TELO2: variants seen among roughly 807,000 people sequenced by gnomAD.
TELO2 encodes the protein telomere maintenance 2.
A neutral mutation model predicts 91.0 loss-of-function variants in TELO2; 71 were observed. That is an observed-to-expected ratio of 0.78 (90% CI 0.64 to 0.95). TELO2 has a LOEUF of 0.95. Among genes scored for constraint, TELO2 ranks in the 40% least tolerant of loss-of-function variants. The pLI, the probability that TELO2 is intolerant of heterozygous loss-of-function variation, is 0.00. For missense variants in TELO2, 1,183 were observed against 1,141.3 expected, an observed-to-expected ratio of 1.04 and a Z score of -0.53; for synonymous variants, 584 against 518.9, an observed-to-expected ratio of 1.13 and a Z score of -1.71.
At chr16:1,508,638 C>T (rs776525305) in intron 20 of TELO2, among the ~76,000 whole-genome samples, 14 of 152,190 alleles carry the variant, frequency 9.2e-5, no homozygotes, top group Admixed American at 2.6e-4. Context: ...TTTCCTTTCC[C>T]GTGGGGCTGG....
At chr16:1,495,659 G>A (rs771693805) in intron 3 of TELO2, 36 bp downstream of exon 3, 122 of 1,546,778 alleles carry the variant, frequency 7.9e-5, no homozygotes, top group South Asian at 3.9e-4. Context: ...TTTGCCACCC[G>A]TCTTCTTGGG....
Position 1,494,340 on chromosome 16 carries a change from C to T in TELO2, c.59C>T (p.Ser20Leu), listed in dbSNP as rs913165087. 2.5e-6 allele frequency: 4 copies of T among 1,613,638 alleles called. No individual in the cohort carries two copies. The highest frequency in any genetic ancestry group is 1.7e-5 in the Admixed American group (1 of 60,000). ...LAVREAIHALSSSEDGGHIFC... is the reference protein window; with the variant it reads ...LAVREAIHALLSSEDGGHIFC... ...GTCCGGGAAGCCATTCATGCCCTCT[C>T]GTCTTCGGAGGATGGCGGCCACATC... Residue 20 changes from serine (S) to leucine (L), a missense_variant, in exon 2 of 21, where the codon TCG (serine) becomes TTG (leucine). Transcript: ENST00000262319. This position sits in a 1 kb window ranked among gnomAD's most constrained non-coding sequence, Gnocchi z 5.6.
rs1342454533 is a variant in TELO2 at position 1,506,260 on chromosome 16, C to T, written c.2057C>T (p.Ala686Val). Residue 686 changes from alanine (A) to valine (V), a missense_variant, in exon 17 of 21, where the codon GCA (alanine) becomes GTA (valine). Physicochemically the swap from Ala to Val is moderately conservative, Grantham distance 64. Transcript: ENST00000262319. ...CAGGGTGGCCCGAGGCAGGGCCCGG[C>T]AGGCAGCCCCAGCAGATTCAACTCC... ...LSKGGPRQGP[A>V]GSPSRFNSVA... 1 of 1,613,688 alleles carries T rather than the reference C, an allele frequency of 6.2e-7. No homozygotes were observed. The highest frequency in any genetic ancestry group is 8.5e-7 in the Non-Finnish European group (1 of 1,179,998).
rs2040094580 is a variant in TELO2 at position 1,510,357 on chromosome 16, T to C, written c.*421T>C. The C allele has an allele frequency of 4.3e-6, 1 of 231,966 alleles. No homozygotes were observed. Among genetic ancestry groups the C allele is most frequent in the African/African-American group, 2.3e-5 (1 of 43,046 alleles). 14.4% of individuals were successfully genotyped at this position (231,966 alleles called of 1,614,324 possible). A position where few individuals can be genotyped will look rare whatever the true frequency, so the allele number is the denominator to read the frequency against. On this transcript the variant is annotated 3_prime_UTR_variant, in exon 21 of 21. Coordinates refer to ENST00000262319, the MANE Select transcript of TELO2 (RefSeq NM_016111.4). ...GAGCGCCGTGTCACCAGGAGAATAG[T>C]GCTCACAGCCCAGGCAGGGTGTGTG... is the stretch of plus-strand genomic sequence containing the variant.
In TELO2 at chr16:1,505,381, G is replaced by A; in HGVS notation, c.1843-29G>A. On this transcript the variant is annotated intron_variant, in intron 15 of 20. Transcript: ENST00000262319. This position sits in a 1 kb window ranked among gnomAD's most constrained non-coding sequence, Gnocchi z 4.3. ...GGAAATGTTCTTCCCTGGAGCAGTG[G>A]CGACGGCCCTGGGCCTGTCTCCCTC... 1 of 1,591,306 alleles carries A rather than the reference G, an allele frequency of 6.3e-7. No homozygotes were observed. The highest frequency in any genetic ancestry group is 8.6e-7 in the Non-Finnish European group (1 of 1,164,078).
chr16:1,495,999 C>T (rs1363837876), intron 3 of TELO2, among the ~76,000 whole-genome samples: 5 of 152,220 alleles, frequency 3.3e-5, no homozygotes, highest in African/African-American at 1.2e-4. Flanking sequence ...CGTGAGCGCC[C>T]ATGCTCGCTC....
Position 1,501,996 on chromosome 16 carries a change from ACT to A in TELO2, c.1473-50_1473-49del, listed in dbSNP as rs755343634. On this transcript the variant is annotated intron_variant, in intron 11 of 20. Coordinates refer to ENST00000262319, the MANE Select transcript of TELO2 (RefSeq NM_016111.4). ...AGAGGGGCTGGCTCTGCCGTTGGGC[ACT>A]TCCTGTCACAGGCCATGGGCTGCTC... is the stretch of plus-strand genomic sequence containing the variant. 33 of 1,609,794 alleles carry A rather than the reference ACT, an allele frequency of 2.0e-5. No individual in the cohort carries two copies. The South Asian group carries it at 3.3e-4, about 16-fold the overall frequency.
rs1002600231 is a variant in TELO2, at chr16:1,493,555, G to A, written c.-87G>A. The A allele has an allele frequency of 6.6e-6, 1 of 152,214 alleles. No individual in the cohort carries two copies. Among genetic ancestry groups the A allele is most frequent in the African/African-American group, 2.4e-5 (1 of 41,442 alleles). 9.4% of individuals were successfully genotyped at this position (152,214 alleles called of 1,614,324 possible). A position where few individuals can be genotyped will look rare whatever the true frequency, so the allele number is the denominator to read the frequency against. ...CGTGGGGAATCGGCTGCAGCGAATC[G>A]GTGGCGCGCGGCGCCTGAGCGCGCT... On this transcript the variant is annotated 5_prime_UTR_variant, in exon 1 of 21. Transcript: ENST00000262319. The surrounding 1 kb of genome is among the most constrained non-coding windows in gnomAD (Gnocchi z 4.3).
intron 15 of TELO2, among the ~76,000 whole-genome samples, chr16:1,504,127 TAAAAA>T (rs34788034): frequency 1.9e-5 from 2 of 104,878 alleles, no homozygotes; most frequent in African/African-American, 3.9e-5. Flanking sequence ...TCTGTCTCTT[TAAAAA>T]AAAAAAAAAA....
At position 1,509,852 on chromosome 16, in the gene TELO2, C is replaced by A. The variant is rs371454399; in HGVS notation, c.2430C>A (p.Asp810Glu). ...CAGACGTGGCTGAGAAAGACCCGGA[C>A]GAGGACTGCAGGACGCTGGCACTGA... The part of the protein sequence containing the change: ...WLADVAEKDP[D>E]EDCRTLALRA... Residue 810 changes from aspartate (D) to glutamate (E), a missense_variant, in exon 21 of 21, where the codon GAC (aspartate) becomes GAA (glutamate). Coordinates refer to ENST00000262319, the MANE Select transcript of TELO2 (RefSeq NM_016111.4). 76 of 1,612,464 alleles carry A rather than the reference C, an allele frequency of 4.7e-5. No homozygotes were observed. The South Asian group carries it at 8.3e-4, about 18-fold the overall frequency.
At position 1,501,989 on chromosome 16, in the gene TELO2, G is replaced by A. The variant is rs971998960; in HGVS notation, c.1473-58G>A. ...GGAGGAGAGAGGGGCTGGCTCTGCC[G>A]TTGGGCACTTCCTGTCACAGGCCAT... is the stretch of plus-strand genomic sequence containing the variant. On this transcript the variant is annotated intron_variant, in intron 11 of 20. Coordinates refer to ENST00000262319, the MANE Select transcript of TELO2 (RefSeq NM_016111.4). The A allele has an allele frequency of 2.1e-5, 34 of 1,606,564 alleles. No individual in the cohort carries two copies. In the Admixed American group the frequency reaches 3.0e-4, roughly 14 times the overall value.
At chr16:1,507,472 G>A in intron 19 of TELO2, 102 bp downstream of exon 19, 1 of 1,515,812 alleles carries the variant, frequency 6.6e-7, no homozygotes, top group Non-Finnish European at 8.9e-7. Context: ...CAGGCAGCCT[G>A]GCCTGGTACT....
chr16:1,507,475 C>T (rs2039939468), intron 19 of TELO2, 105 bp downstream of exon 19: 2 of 1,512,138 alleles, frequency 1.3e-6, no homozygotes, highest in Non-Finnish European at 1.8e-6. Context: ...GCAGCCTGGC[C>T]TGGTACTTCC....
Position 1,497,505 on chromosome 16 carries a change from T to G in TELO2, c.827T>G (p.Leu276Arg), listed in dbSNP as rs370884980. Residue 276 changes from leucine to arginine, a missense_variant, in exon 5 of 21, where the codon CTG (leucine) becomes CGG (arginine). By Grantham distance (102) the Leu-to-Arg change is moderately radical. Transcript: ENST00000262319. This position sits in a 1 kb window ranked among gnomAD's most constrained non-coding sequence, Gnocchi z 4.0. ...AVLTGLVEAA[L>R]GPEVLSRLLG... ...CTGACCGGGCTGGTGGAGGCCGCAC[T>G]GGGGTAAGCAGCCAGGCTGTCCTCC... 3 of 1,561,044 alleles carry G rather than the reference T, an allele frequency of 1.9e-6. No individual in the cohort carries two copies. The highest frequency in any genetic ancestry group is 2.6e-6 in the Non-Finnish European group (3 of 1,156,904).
chr16:1,494,435 G>C lies in TELO2; in HGVS notation c.154G>C (p.Glu52Gln), dbSNP rs1468456409. Residue 52 changes from glutamate (E) to glutamine (Q), a missense_variant, in exon 2 of 21, where the codon GAG (glutamate) becomes CAG (glutamine). Transcript: ENST00000262319. The surrounding 1 kb of genome is among the most constrained non-coding windows in gnomAD (Gnocchi z 5.6). The stretch of plus-strand genomic sequence containing the variant: ...GCCTCCAGCGCTCCCGAGGGAGAAG[G>C]AGGAGTTTGCCTCGGCCCACTTCTC... Reference protein sequence around the residue: ...MEPPALPREKEEFASAHFSPV... With the variant: ...MEPPALPREKQEFASAHFSPV... 6.2e-7 allele frequency: 1 copy of C among 1,613,490 alleles called. No individual in the cohort carries two copies. The highest frequency in any genetic ancestry group is 1.7e-5 in the Admixed American group (1 of 60,016).
rs781136824 is a variant in TELO2 at position 1,494,521 on chromosome 16, T to A, written c.240T>A (p.His80Gln). The A allele has an allele frequency of 4.2e-5, 67 of 1,613,096 alleles. No homozygotes were observed. Among genetic ancestry groups the A allele is most frequent in the Non-Finnish European group, 4.5e-5 (53 of 1,179,904 alleles). Reference protein sequence around the residue: ...LSPAWLELLPHGRLEELWASF... With the variant: ...LSPAWLELLPQGRLEELWASF... ...CAGCCTGGCTGGAGCTGCTGCCCCA[T>A]GGCCGCCTGGAGGAGCTGTGGGCCA... The change falls in exon 2 of 21, where the codon CAT becomes CAA. Residue 80 changes from histidine (H) to glutamine (Q), a missense_variant. Coordinates refer to ENST00000262319, the MANE Select transcript of TELO2 (RefSeq NM_016111.4). The surrounding 1 kb of genome is among the most constrained non-coding windows in gnomAD (Gnocchi z 5.6).
In TELO2 at chr16:1,494,747, C is replaced by T; in HGVS notation, c.335+131C>T. The T allele has an allele frequency of 6.8e-6, 7 of 1,027,438 alleles. No individual in the cohort carries two copies. The highest frequency in any genetic ancestry group is 8.3e-6 in the Non-Finnish European group (6 of 725,470). 63.6% of individuals were successfully genotyped at this position (1,027,438 alleles called of 1,614,324 possible). On this transcript the variant is annotated intron_variant, in intron 2 of 20. Coordinates refer to ENST00000262319, the MANE Select transcript of TELO2 (RefSeq NM_016111.4). The surrounding 1 kb of genome is among the most constrained non-coding windows in gnomAD (Gnocchi z 5.6). Reference sequence around the variant, plus strand: ...GAGAGAGCCTGCTCCTGGCTGAACCCCTGAACAGAAGAAGCGGTCTGTGTC... The same window carrying T: ...GAGAGAGCCTGCTCCTGGCTGAACCTCTGAACAGAAGAAGCGGTCTGTGTC...
At position 1,495,537 on chromosome 16, in the gene TELO2, T is replaced by C; in HGVS notation, c.527T>C (p.Leu176Ser). ...HLGNRLQQENLAEFFPQNYFR... is the reference protein window; with the variant it reads ...HLGNRLQQENSAEFFPQNYFR... ...GGCAACCGCCTGCAGCAGGAGAACTTGGCCGAGTTCTTCCCCCAGAACTAC... is the reference window on the plus strand; with the variant it reads ...GGCAACCGCCTGCAGCAGGAGAACTCGGCCGAGTTCTTCCCCCAGAACTAC... The change falls in exon 3 of 21, where the codon TTG becomes TCG. Residue 176 changes from leucine to serine, a missense_variant. By Grantham distance (145) the Leu-to-Ser change is moderately radical. Transcript: ENST00000262319. 6.2e-7 allele frequency: 1 copy of C among 1,611,836 alleles called. No homozygotes were observed.
chr16:1,505,691 G>C lies in TELO2; in HGVS notation c.2034+90G>C. ...GACACCTCCAGGCGCTGTCTGCAGC[G>C]AGGGGCGGCCACATTCGCTGGGGAT... On this transcript the variant is annotated intron_variant, in intron 16 of 20. Transcript: ENST00000262319. This position sits in a 1 kb window ranked among gnomAD's most constrained non-coding sequence, Gnocchi z 4.3. 1.4e-6 allele frequency: 2 copies of C among 1,444,108 alleles called. No homozygotes were observed. The highest frequency in any genetic ancestry group is 4.3e-5 in the Admixed American group (2 of 46,238). The allele number at this position is 1,444,108 out of a possible 1,614,324, so 89.5% of individuals were successfully genotyped here. A position where few individuals can be genotyped will look rare whatever the true frequency, so the allele number is the denominator to read the frequency against.
Sources: gnomAD v4.1 joint callset for allele counts (sites outside exome capture counted in the v4.1 genomes callset) on GRCh38, gnomAD v4.1.1 for gene constraint, Gnocchi (gnomAD v3.1) non-coding constraint, MANE v1.5 for transcripts, NCBI Gene and HGNC (gene_info 2026-07-23, HGNC 2026-07-21) for gene names.